The following AUTS2 variants were observed in gnomAD, a reference collection of about 807,000 sequenced individuals.
The protein encoded by AUTS2 is autism susceptibility gene 2 protein.
AUTS2 carries 17 observed loss-of-function variants against 112.4 expected under a neutral mutation model. The observed-to-expected ratio is 0.15, with a 90% confidence interval of 0.10 to 0.23. The LOEUF is 0.23. Ranked by LOEUF, AUTS2 falls within the 10% of genes least tolerant of loss-of-function variation. The pLI, the probability that AUTS2 is intolerant of heterozygous loss-of-function variation, is 1.00. For synonymous variants in AUTS2, 751 were observed against 702.7 expected (o/e 1.07, Z -1.09); for missense variants, 1,510 against 1,701.6 (o/e 0.89, Z 1.98).
At chr7:69,846,060 ACTCT>A (rs1458373759) in intron 1 of AUTS2, among the ~76,000 whole-genome samples, 1 of 146,054 alleles carries the variant, frequency 6.8e-6, no homozygotes, top group Non-Finnish European at 1.5e-5. Context: ...CTCTTTTCTC[ACTCT>A]CAAGTTTTAT....
chr7:69,770,497 A>C (rs1788613901), intron 1 of AUTS2, among the ~76,000 whole-genome samples: 1 of 152,124 alleles, frequency 6.6e-6, no homozygotes, highest in Admixed American at 6.5e-5. Context: ...TTGAGGTGCC[A>C]GCCTCTTGGC....
chr7:69,990,056 G>A (rs181386951), intron 2 of AUTS2, among the ~76,000 whole-genome samples: 34 of 152,274 alleles, frequency 2.2e-4, no homozygotes, highest in East Asian at 5.8e-4. Flanking sequence ...GTTGGGGACC[G>A]CTGACATACA....
chr7:69,879,181 G>A (rs183687152), intron 1 of AUTS2, among the ~76,000 whole-genome samples: 128 of 151,368 alleles, frequency 8.5e-4, no homozygotes, highest in African/African-American at 2.9e-3. Flanking sequence ...TTGCTCTGTC[G>A]CCCAGGCTGG....
intron 1 of AUTS2, among the ~76,000 whole-genome samples, chr7:69,703,593 G>T (rs1797920389): frequency 6.6e-6 from 1 of 152,214 alleles, no homozygotes; most frequent in South Asian, 2.1e-4. Context: ...GAAAATAGCA[G>T]CAGGTTGAAG....
At chr7:69,610,268 T>C (rs1056973939) in intron 1 of AUTS2, among the ~76,000 whole-genome samples, 2 of 152,240 alleles carry the variant, frequency 1.3e-5, no homozygotes. Context: ...ATTTCATTAA[T>C]GGAGTTGTTA....
intron 5 of AUTS2, among the ~76,000 whole-genome samples, chr7:70,695,862 A>G (rs1809063723): frequency 6.6e-6 from 1 of 152,172 alleles, no homozygotes; most frequent in African/African-American, 2.4e-5. Flanking sequence ...TTTAGATTCA[A>G]CCACTTCATG....
chr7:70,239,038 T>C (rs779644287), intron 4 of AUTS2, among the ~76,000 whole-genome samples: 1 of 152,248 alleles, frequency 6.6e-6, no homozygotes, highest in African/African-American at 2.4e-5. Flanking sequence ...CCTGAGCAGA[T>C]AGTTTCGTTG....
At chr7:70,405,615 G>C (rs1185530783) in intron 4 of AUTS2, among the ~76,000 whole-genome samples, 1 of 152,202 alleles carries the variant, frequency 6.6e-6, no homozygotes, top group Non-Finnish European at 1.5e-5. Context: ...ATAAAGCGTG[G>C]TTGACAAAAG....
chr7:70,099,566 G>A (rs1006847135), intron 2 of AUTS2, among the ~76,000 whole-genome samples: 4 of 151,754 alleles, frequency 2.6e-5, no homozygotes, highest in African/African-American at 9.7e-5. Context: ...CCTAGTGACA[G>A]TAAGGTTTCT....
chr7:70,361,819 A>G (rs1047095480), intron 4 of AUTS2, among the ~76,000 whole-genome samples: 4 of 152,182 alleles, frequency 2.6e-5, no homozygotes, highest in Non-Finnish European at 5.9e-5. Context: ...TCTGCAAGCT[A>G]CTAAATAGAA....
At chr7:70,042,710 A>G (rs1235949386) in intron 2 of AUTS2, among the ~76,000 whole-genome samples, 1 of 152,178 alleles carries the variant, frequency 6.6e-6, no homozygotes, top group Non-Finnish European at 1.5e-5. Flanking sequence ...GCCCAGGGTC[A>G]CCAGTGACAC....
chr7:70,746,233 G>A (rs537126054), intron 6 of AUTS2, among the ~76,000 whole-genome samples: 264 of 152,186 alleles, frequency 1.7e-3, no homozygotes, highest in African/African-American at 6.2e-3. Flanking sequence ...TGCCACTTCC[G>A]CCTCCCGGTT....
intron 5 of AUTS2, among the ~76,000 whole-genome samples, chr7:70,525,282 G>A (rs1051885813): frequency 5.3e-5 from 8 of 152,168 alleles, no homozygotes; most frequent in African/African-American, 1.7e-4. Flanking sequence ...GGTTAGAGTT[G>A]TAATCTTCCA....
chr7:70,410,845 A>ATTGTTG (rs1453562823), intron 4 of AUTS2, among the ~76,000 whole-genome samples: 1 of 149,338 alleles, frequency 6.7e-6, no homozygotes, highest in African/African-American at 2.5e-5. Context: ...TATTATTATT[A>ATTGTTG]TTATTGTTAT....
chr7:70,142,397 G>A (rs1806914035), intron 4 of AUTS2, among the ~76,000 whole-genome samples: 1 of 152,202 alleles, frequency 6.6e-6, no homozygotes, highest in African/African-American at 2.4e-5. Context: ...ACCATTGCTT[G>A]TTGCTGGCCT....
chr7:70,729,868 A>G (rs1367913545), intron 6 of AUTS2, among the ~76,000 whole-genome samples: 2 of 151,316 alleles, frequency 1.3e-5, no homozygotes, highest in Admixed American at 6.6e-5. Context: ...GTATGTATGT[A>G]TGTATGTATG....
At chr7:70,689,158 A>G (rs1404310278) in intron 5 of AUTS2, among the ~76,000 whole-genome samples, 4 of 151,832 alleles carry the variant, frequency 2.6e-5, no homozygotes, top group Non-Finnish European at 4.4e-5. Context: ...CGAGTTCAAG[A>G]CCAGCCTGGG....
chr7:70,614,505 C>G (rs995266374), intron 5 of AUTS2, among the ~76,000 whole-genome samples: 8 of 152,140 alleles, frequency 5.3e-5, no homozygotes, highest in South Asian at 4.1e-4. Flanking sequence ...TTGCTGTGGA[C>G]AGTAAATAGT....
chr7:70,768,926 G>A (rs1414852424), intron 10 of AUTS2, among the ~76,000 whole-genome samples: 1 of 133,746 alleles, frequency 7.5e-6, no homozygotes, highest in Non-Finnish European at 1.5e-5. Context: ...GGTTAATCAT[G>A]CTTGTAGCCG....
Sources: allele counts gnomAD v4.1 joint callset (sites outside exome capture counted in the v4.1 genomes callset), GRCh38; gene constraint gnomAD v4.1.1; transcripts MANE v1.5; gene names NCBI Gene and HGNC (gene_info 2026-07-23, HGNC 2026-07-21).